The following STK32B variants were observed in gnomAD, a reference collection of about 807,000 sequenced individuals.
STK32B encodes serine/threonine-protein kinase 32B.
In STK32B, 43 loss-of-function variants were observed where a neutral mutation model predicts 52.6. That is an observed-to-expected ratio of 0.82 (90% CI 0.64 to 1.05). The LOEUF (loss-of-function observed/expected upper bound fraction) is 1.05, where lower values mean the gene tolerates loss of function less well. STK32B is among the 50% of genes least tolerant of loss of function. STK32B has a pLI of 0.00. For synonymous variants in STK32B, 238 were observed against 204.3 expected (o/e 1.17, Z -1.41); for missense variants, 621 against 534.6 (o/e 1.16, Z -1.59).
intron 1 of STK32B, among the ~76,000 whole-genome samples, chr4:5,130,850 A>G (rs901798351): frequency 6.6e-6 from 1 of 152,040 alleles, no homozygotes; most frequent in African/African-American, 2.4e-5. Context: ...TTGCTATTTC[A>G]TGCCACTGTT....
At chr4:5,104,447 A>G (rs1009841709) in intron 1 of STK32B, among the ~76,000 whole-genome samples, 1 of 152,198 alleles carries the variant, frequency 6.6e-6, no homozygotes, top group African/African-American at 2.4e-5. Context: ...AGACTAATAC[A>G]ATTATTATCA....
At chr4:5,454,587 T>C (rs1489906657) in intron 7 of STK32B, among the ~76,000 whole-genome samples, 2 of 152,088 alleles carry the variant, frequency 1.3e-5, no homozygotes, top group African/African-American at 2.4e-5. Flanking sequence ...GCTAGGACTT[T>C]AGCATATGAA....
At chr4:5,292,875 C>T (rs1159156899) in intron 3 of STK32B, among the ~76,000 whole-genome samples, 1 of 151,950 alleles carries the variant, frequency 6.6e-6, no homozygotes, top group Non-Finnish European at 1.5e-5. Flanking sequence ...CTGCACCCAT[C>T]AACCTGTCAG....
At chr4:5,140,867 C>T (rs1213721438) in intron 2 of STK32B, among the ~76,000 whole-genome samples, 1 of 152,160 alleles carries the variant, frequency 6.6e-6, no homozygotes, top group East Asian at 1.9e-4. Context: ...GTAACCAAAA[C>T]AGATCCAAGT....
Position 5,086,188 on chromosome 4 carries a change from T to C in STK32B, c.52+34273T>C, listed in dbSNP as rs149679622. ...AGGTTCATGTGCATGCCCAGGCTTG[T>C]GCACCTGCCTCGAGAAAGACTTGAG... On this transcript the variant is annotated intron_variant, in intron 1 of 11. Coordinates refer to ENST00000282908, the MANE Select transcript of STK32B (RefSeq NM_018401.3). Among the ~76,000 whole-genome samples, 5 of 152,312 alleles carry C rather than the reference T, an allele frequency of 3.3e-5. No homozygotes were observed. The East Asian group carries it at 9.7e-4, about 29-fold the overall frequency.
intron 3 of STK32B, among the ~76,000 whole-genome samples, chr4:5,280,253 A>G (rs1224701345): frequency 1.3e-5 from 2 of 152,168 alleles, no homozygotes; most frequent in African/African-American, 2.4e-5. Context: ...AGGGCAGGGC[A>G]CAATGCTACC....
At chr4:5,154,971 A>C (rs1026860168) in intron 2 of STK32B, among the ~76,000 whole-genome samples, 3 of 152,046 alleles carry the variant, frequency 2.0e-5, no homozygotes, top group African/African-American at 7.2e-5. Context: ...CCAGGCCACA[A>C]GGTCATGCAG....
chr4:5,439,069 G>C lies in STK32B; in HGVS notation c.563-7604G>C, dbSNP rs555118893. Among the ~76,000 whole-genome samples, 192 of 150,178 alleles carry C rather than the reference G, an allele frequency of 1.3e-3. 1 individual carries two copies. Among genetic ancestry groups the C allele is most frequent in the African/African-American group, 3.8e-3 (155 of 40,806 alleles). ...ATAATGCCGCAATAAACATATGTGT[G>C]CATGTGTCTTTATAGCAGCATGATT... On this transcript the variant is annotated intron_variant, in intron 6 of 11. Transcript: ENST00000282908.
rs1350858165 is a variant in STK32B, at chr4:5,498,945, G to A, written c.1107G>A (p.Lys369=). 1.1e-5 allele frequency: 17 copies of A among 1,611,326 alleles called. No homozygotes were observed. Among genetic ancestry groups the A allele is most frequent in the Non-Finnish European group, 1.4e-5 (16 of 1,178,624 alleles). Reference sequence around the variant, plus strand: ...AACTCAGATCTGTGCTTGTTTGCAGGCTCAGGAGGCAGCAGGGACAGGGCA... The same window carrying A: ...AACTCAGATCTGTGCTTGTTTGCAGACTCAGGAGGCAGCAGGGACAGGGCA... The part of the protein sequence containing the change: ...REEFIIFNRE[K]LRRQQGQGSQ... Residue 369 remains lysine, a splice_region_variant and synonymous_variant, in exon 12 of 12, where the codon AAG becomes AAA. Transcript: ENST00000282908.
intron 11 of STK32B, among the ~76,000 whole-genome samples, chr4:5,481,726 T>A (rs1718729003): frequency 6.6e-6 from 1 of 152,190 alleles, no homozygotes; most frequent in Non-Finnish European, 1.5e-5. Context: ...AGGTCTAACA[T>A]TTAAGTCTTT....
chr4:5,051,614 C>G lies in STK32B; in HGVS notation c.-250C>G. Reference sequence around the variant, plus strand: ...GGGCACTGGAGTAAGGAGCTGCGAGCGCAGCCCGAGGCGGGGCACGGCGGA... The same window carrying G: ...GGGCACTGGAGTAAGGAGCTGCGAGGGCAGCCCGAGGCGGGGCACGGCGGA... On this transcript the variant is annotated 5_prime_UTR_variant, in exon 1 of 12. Coordinates refer to ENST00000282908, the MANE Select transcript of STK32B (RefSeq NM_018401.3). 1 of 499,918 alleles carries G rather than the reference C, an allele frequency of 2.0e-6. No homozygotes were observed. Among genetic ancestry groups the G allele is most frequent in the Non-Finnish European group, 3.5e-6 (1 of 288,540 alleles). The allele number at this position is 499,918 out of a possible 1,614,324, so 31.0% of individuals were successfully genotyped here.
At chr4:5,352,780 A>C (rs540884114) in intron 4 of STK32B, among the ~76,000 whole-genome samples, 2 of 152,256 alleles carry the variant, frequency 1.3e-5, no homozygotes, top group South Asian at 4.1e-4. Context: ...AAAAATCATC[A>C]GTTTCGATTC....
At chr4:5,127,931 G>C (rs905649769) in intron 1 of STK32B, among the ~76,000 whole-genome samples, 1 of 152,136 alleles carries the variant, frequency 6.6e-6, no homozygotes, top group Admixed American at 6.5e-5. Flanking sequence ...CCCTACACGA[G>C]CTCTCTTGCC....
intron 1 of STK32B, among the ~76,000 whole-genome samples, chr4:5,128,367 C>T (rs1377451882): frequency 6.6e-6 from 1 of 152,200 alleles, no homozygotes; most frequent in African/African-American, 2.4e-5. Context: ...CTTATTGTCT[C>T]TCAAACATGT....
intron 1 of STK32B, among the ~76,000 whole-genome samples, chr4:5,093,724 C>T (rs1463493340): frequency 1.3e-5 from 2 of 151,462 alleles, no homozygotes; most frequent in African/African-American, 2.4e-5. Flanking sequence ...AAAAAAAATG[C>T]CATGTGATGC....
chr4:5,224,847 T>C (rs1723766815), intron 3 of STK32B, among the ~76,000 whole-genome samples: 1 of 151,992 alleles, frequency 6.6e-6, no homozygotes, highest in Non-Finnish European at 1.5e-5. Context: ...ACTTATAGAG[T>C]TGTGAGGATT....
intron 3 of STK32B, among the ~76,000 whole-genome samples, chr4:5,221,781 G>C (rs1041197242): frequency 3.4e-5 from 5 of 148,582 alleles, no homozygotes; most frequent in Non-Finnish European, 5.9e-5. Flanking sequence ...ACTTGAACCA[G>C]GGAGACAGAG....
intron 1 of STK32B, among the ~76,000 whole-genome samples, chr4:5,118,969 A>T (rs1379534275): frequency 2.0e-5 from 3 of 151,912 alleles, no homozygotes; most frequent in Non-Finnish European, 4.4e-5. Context: ...CCCACCCCAC[A>T]CCCAGGAGCC....
intron 3 of STK32B, among the ~76,000 whole-genome samples, chr4:5,173,435 G>A (rs1388095484): frequency 6.6e-6 from 1 of 151,876 alleles, no homozygotes; most frequent in Non-Finnish European, 1.5e-5. Context: ...TCTCTTGTGG[G>A]CATTTAGTGC....
Sources: gnomAD v4.1 joint callset for allele counts (sites outside exome capture counted in the v4.1 genomes callset) on GRCh38, gnomAD v4.1.1 for gene constraint, MANE v1.5 for transcripts, NCBI Gene and HGNC (gene_info 2026-07-23, HGNC 2026-07-21) for gene names.